The following LRP1B variants were observed in gnomAD, a reference collection of about 807,000 sequenced individuals.
The protein encoded by LRP1B is low-density lipoprotein receptor-related protein 1B.
Under a neutral mutation model 556.6 loss-of-function variants are expected in LRP1B, and 217 were observed. The observed-to-expected ratio is 0.39, with a 90% confidence interval of 0.35 to 0.44. LRP1B has a LOEUF of 0.44. Among genes scored for constraint, LRP1B ranks in the 20% least tolerant of loss-of-function variants. The pLI is 1.00. For synonymous variants in LRP1B, 2,047 were observed against 1,865.8 expected (o/e 1.10, Z -2.50); for missense variants, 5,053 against 5,620.8 (o/e 0.90, Z 3.23).
At chr2:141,664,313 T>C (rs1463245999) in intron 2 of LRP1B, among the ~76,000 whole-genome samples, 1 of 152,160 alleles carries the variant, frequency 6.6e-6, no homozygotes. Context: ...AAGGATGCCC[T>C]CTCTGACCAC....
chr2:140,357,621 T>A (rs1270943736), intron 74 of LRP1B, among the ~76,000 whole-genome samples: 1 of 151,570 alleles, frequency 6.6e-6, no homozygotes, highest in Non-Finnish European at 1.5e-5. Flanking sequence ...TTGAAAAAAT[T>A]AAGACCTTTA....
At chr2:141,309,948 T>C (rs1686750332) in intron 3 of LRP1B, among the ~76,000 whole-genome samples, 1 of 152,166 alleles carries the variant, frequency 6.6e-6, no homozygotes, top group Non-Finnish European at 1.5e-5. Flanking sequence ...GAATCTGAGA[T>C]TTCCCAGCTT....
chr2:140,806,742 G>A (rs549612942), intron 32 of LRP1B, among the ~76,000 whole-genome samples: 1 of 152,230 alleles, frequency 6.6e-6, no homozygotes, highest in South Asian at 2.1e-4. Flanking sequence ...CTATTTTAAA[G>A]CTATGATCCA....
At chr2:140,604,639 T>C (rs1350689858) in intron 41 of LRP1B, among the ~76,000 whole-genome samples, 1 of 152,092 alleles carries the variant, frequency 6.6e-6, no homozygotes, top group African/African-American at 2.4e-5. Flanking sequence ...GGGAGTCACG[T>C]CCATTAAACA....
intron 3 of LRP1B, among the ~76,000 whole-genome samples, chr2:141,456,103 A>G (rs1003716526): frequency 6.6e-6 from 1 of 152,222 alleles, no homozygotes; most frequent in Non-Finnish European, 1.5e-5. Context: ...TGCTGCATCC[A>G]TGGCTTTAGC....
intron 14 of LRP1B, among the ~76,000 whole-genome samples, chr2:141,011,099 C>G (rs1210370759): frequency 7.9e-6 from 1 of 126,234 alleles, no homozygotes; most frequent in Non-Finnish European, 1.7e-5. Flanking sequence ...GAGAGAGAGA[C>G]TGTATGGTTA....
At chr2:141,212,439 C>T (rs540563391) in intron 6 of LRP1B, among the ~76,000 whole-genome samples, 8 of 148,956 alleles carry the variant, frequency 5.4e-5, no homozygotes, top group South Asian at 4.3e-4. Flanking sequence ...CCACCACGCC[C>T]GGATAATTTT....
chr2:141,414,368 G>A (rs1573918670), intron 3 of LRP1B, among the ~76,000 whole-genome samples: 1 of 72,668 alleles, frequency 1.4e-5, no homozygotes. Flanking sequence ...AGGAAGAGCG[G>A]AAAGGAGGGA....
intron 1 of LRP1B, among the ~76,000 whole-genome samples, chr2:142,060,349 CT>C (rs1704860121): frequency 6.6e-6 from 1 of 151,886 alleles, no homozygotes; most frequent in Non-Finnish European, 1.5e-5. Context: ...GTTGTGTTGC[CT>C]CTGAAAAGGT....
chr2:142,109,814 T>A (rs9287332), intron 1 of LRP1B, among the ~76,000 whole-genome samples: 101,693 of 151,968 alleles, frequency 0.67, 34,208 homozygotes, highest in East Asian at 0.71. Context: ...TGTTTTAAAT[T>A]TCAGGATTAT....
intron 16 of LRP1B, among the ~76,000 whole-genome samples, chr2:140,990,820 G>C (rs547718121): frequency 6.6e-6 from 1 of 152,048 alleles, no homozygotes; most frequent in African/African-American, 2.4e-5. Flanking sequence ...TGTTTTTAAG[G>C]GTAATTTTCT....
At chr2:140,330,199 C>CTAATAATAAT (rs1680724054) in intron 79 of LRP1B, among the ~76,000 whole-genome samples, 1 of 137,978 alleles carries the variant, frequency 7.2e-6, no homozygotes, top group Non-Finnish European at 1.5e-5. Context: ...GACTCTGTCT[C>CTAATAATAAT]AATAATAATA....
Position 141,013,702 on chromosome 2 carries a change from G to A in LRP1B, c.2234C>T (p.Ser745Leu), listed in dbSNP as rs200976285. The change falls in exon 14 of 91, where the codon TCG (serine) becomes TTG (leucine). Residue 745 changes from serine (S) to leucine (L), a missense_variant. Physicochemically the swap from Ser to Leu is moderately radical, Grantham distance 145. This residue lies in a region of LRP1B where 3,619 missense variants were observed against 3,931.9 expected (regional missense o/e 0.92). Coordinates refer to ENST00000389484, the MANE Select transcript of LRP1B (RefSeq NM_018557.3). ...CCAGAACACATAATTTCCATGATGC[G>A]ACAGTCCGAAAGGGTGGTTCAACTC... ...GRELNHPFGL[S>L]HHGNYVFWTD... is the part of the protein sequence containing the mutation. The A allele has an allele frequency of 8.7e-6, 14 of 1,601,556 alleles. No individual in the cohort carries two copies. The highest frequency in any genetic ancestry group is 3.4e-5 in the Admixed American group (2 of 57,982).
At chr2:141,254,443 T>A in intron 4 of LRP1B, 79 bp downstream of exon 4, 1 of 1,423,980 alleles carries the variant, frequency 7.0e-7, no homozygotes, top group Non-Finnish European at 9.8e-7. Flanking sequence ...ACATGGTAGG[T>A]GCTCAAAGAT....
intron 35 of LRP1B, among the ~76,000 whole-genome samples, chr2:140,720,113 C>T (rs1372190368): frequency 6.6e-6 from 1 of 151,962 alleles, no homozygotes; most frequent in Non-Finnish European, 1.5e-5. Context: ...TGTCCTGATA[C>T]TTATTTCCAA....
chr2:141,262,146 A>G (rs946289989), intron 3 of LRP1B, among the ~76,000 whole-genome samples: 1 of 151,980 alleles, frequency 6.6e-6, no homozygotes, highest in African/African-American at 2.4e-5. Flanking sequence ...TCTAATTATT[A>G]TTGATTTTTT....
intron 2 of LRP1B, among the ~76,000 whole-genome samples, chr2:141,798,742 A>G (rs1343851473): frequency 6.6e-6 from 1 of 151,452 alleles, no homozygotes; most frequent in African/African-American, 2.4e-5. Flanking sequence ...ATATATTTTA[A>G]AAAGCAAAAT....
At chr2:140,377,297 G>A (rs994993418) in intron 68 of LRP1B, among the ~76,000 whole-genome samples, 5 of 152,072 alleles carry the variant, frequency 3.3e-5, no homozygotes, top group Non-Finnish European at 7.4e-5. Flanking sequence ...GGATGGTCTT[G>A]TCCTCCTGAC....
intron 41 of LRP1B, among the ~76,000 whole-genome samples, chr2:140,623,136 A>G (rs13408868): frequency 0.27 from 41,206 of 152,094 alleles, 6,113 homozygotes; most frequent in Admixed American, 0.34. Flanking sequence ...CTACTTTGGC[A>G]TCTCCAGGTT....
Sources: allele counts gnomAD v4.1 joint callset (sites outside exome capture counted in the v4.1 genomes callset), GRCh38; gene constraint gnomAD v4.1.1; regional missense constraint gnomAD v4.1.1; transcripts MANE v1.5; gene names NCBI Gene and HGNC (gene_info 2026-07-23, HGNC 2026-07-21).